ADCY1: variants seen among roughly 807,000 people sequenced by gnomAD.
ADCY1 encodes the protein adenylate cyclase 1, also known as adenylate cyclase type 1.
ADCY1 carries 28 observed loss-of-function variants against 105.4 expected under a neutral mutation model. The ratio of observed to expected loss-of-function variants is 0.27; its 90% confidence interval spans 0.20 to 0.36. ADCY1 has a LOEUF of 0.36. Among genes scored for constraint, ADCY1 ranks in the 10% least tolerant of loss-of-function variants. ADCY1 has a pLI of 1.00. For missense variants in ADCY1, 977 were observed against 1,434.2 expected, an observed-to-expected ratio of 0.68 and a Z score of 5.15; for synonymous variants, 655 against 623.8, an observed-to-expected ratio of 1.05 and a Z score of -0.75.
chr7:45,653,153 C>G (rs979957650), intron 5 of ADCY1, among the ~76,000 whole-genome samples: 1 of 152,210 alleles, frequency 6.6e-6, no homozygotes, highest in African/African-American at 2.4e-5. Flanking sequence ...TGAGAAGTAT[C>G]CTAACTGTCC....
chr7:45,660,296 G>C, intron 7 of ADCY1, 113 bp downstream of exon 7: 1 of 1,438,814 alleles, frequency 7.0e-7, no homozygotes, highest in Non-Finnish European at 9.5e-7. Context: ...TCTGGGCTGT[G>C]AACTTGCTAA....
At chr7:45,629,663 C>A (rs1229533999) in intron 4 of ADCY1, among the ~76,000 whole-genome samples, 4 of 152,070 alleles carry the variant, frequency 2.6e-5, no homozygotes, top group Non-Finnish European at 5.9e-5. Flanking sequence ...GGACTACAGG[C>A]GCCCGCCACT....
At chr7:45,605,313 C>A (rs1793345453) in intron 2 of ADCY1, among the ~76,000 whole-genome samples, 1 of 152,038 alleles carries the variant, frequency 6.6e-6, no homozygotes, top group African/African-American at 2.4e-5. Context: ...AATCTGTATG[C>A]CTTTTCTTTC....
At chr7:45,583,008 G>A (rs1458518910) in intron 1 of ADCY1, among the ~76,000 whole-genome samples, 1 of 152,222 alleles carries the variant, frequency 6.6e-6, no homozygotes, top group African/African-American at 2.4e-5. Flanking sequence ...CCTTCAGTTT[G>A]GGTTGGGAAG....
chr7:45,720,751 C>T lies in ADCY1; in HGVS notation c.*6756C>T, dbSNP rs1237906406. The T allele has an allele frequency of 6.6e-6, 1 of 152,184 alleles. No homozygotes were observed. Among genetic ancestry groups the T allele is most frequent in the Non-Finnish European group, 1.5e-5 (1 of 68,052 alleles). 9.4% of individuals were successfully genotyped at this position (152,184 alleles called of 1,614,324 possible). A position where few individuals can be genotyped will look rare whatever the true frequency, so the allele number is the denominator to read the frequency against. ...CTCTCCCACCTGGTTACCACAGTCTCCATGGGTCTTTTGCCGTGACCACAA... is the reference window on the plus strand; with the variant it reads ...CTCTCCCACCTGGTTACCACAGTCTTCATGGGTCTTTTGCCGTGACCACAA... On this transcript the variant is annotated 3_prime_UTR_variant, in exon 20 of 20. Coordinates refer to ENST00000297323, the MANE Select transcript of ADCY1 (RefSeq NM_021116.4).
chr7:45,643,698 G>A (rs1396333352), intron 4 of ADCY1, among the ~76,000 whole-genome samples: 7 of 152,118 alleles, frequency 4.6e-5, no homozygotes, highest in Non-Finnish European at 7.4e-5. Flanking sequence ...GTAAAAAACC[G>A]AAGTCGAGGT....
intron 14 of ADCY1, among the ~76,000 whole-genome samples, chr7:45,688,675 T>C (rs2116217931): frequency 6.6e-6 from 1 of 152,326 alleles, no homozygotes; most frequent in African/African-American, 2.4e-5. Context: ...TATGTGTATC[T>C]ATATACATGT....
chr7:45,610,411 C>T lies in ADCY1; in HGVS notation c.822C>T (p.Asn274=), dbSNP rs555902826. Residue 274 remains asparagine, a synonymous_variant, in exon 3 of 20, where the codon AAC becomes AAT. Coordinates refer to ENST00000297323, the MANE Select transcript of ADCY1 (RefSeq NM_021116.4). ...TCCTCATGAGCCTCCTGCCCCGGAA[C>T]GTTGCCATGGAGATGAAGGAGGACT... is the stretch of plus-strand genomic sequence containing the variant. The part of the protein sequence containing the change: ...ERLLMSLLPR[N]VAMEMKEDFL... The T allele has an allele frequency of 1.4e-5, 22 of 1,613,936 alleles. No homozygotes were observed. The highest frequency in any genetic ancestry group is 1.2e-4 in the Admixed American group (7 of 60,022).
At chr7:45,700,988 A>T (rs1784985482) in intron 14 of ADCY1, among the ~76,000 whole-genome samples, 1 of 152,258 alleles carries the variant, frequency 6.6e-6, no homozygotes, top group African/African-American at 2.4e-5. Flanking sequence ...CACTAGATGC[A>T]TCCTGGTCAG....
chr7:45,705,457 A>T (rs1436129303), intron 17 of ADCY1, among the ~76,000 whole-genome samples: 1 of 152,214 alleles, frequency 6.6e-6, no homozygotes, highest in African/African-American at 2.4e-5. Flanking sequence ...AATCAACAGG[A>T]TAAAGAAGAA....
chr7:45,694,016 G>GAT (rs1326864296), intron 14 of ADCY1, among the ~76,000 whole-genome samples: 2 of 129,964 alleles, frequency 1.5e-5, no homozygotes, highest in East Asian at 4.6e-4. Flanking sequence ...CCTAATGCTA[G>GAT]ATGACACATT....
intron 2 of ADCY1, among the ~76,000 whole-genome samples, chr7:45,605,739 C>T (rs981416144): frequency 6.6e-5 from 10 of 152,050 alleles, no homozygotes; most frequent in Admixed American, 4.6e-4. Flanking sequence ...AAAGTGCATT[C>T]GTAGTTCTTT....
intron 11 of ADCY1, chr7:45,680,723 A>G (rs1317683564): frequency 1.3e-5 from 2 of 152,240 alleles, no homozygotes; most frequent in East Asian, 1.9e-4. Context: ...TACCACTTCA[A>G]GTAAAACTGC....
chr7:45,683,943 C>G (rs540837265), intron 11 of ADCY1, among the ~76,000 whole-genome samples: 2 of 152,232 alleles, frequency 1.3e-5, no homozygotes, highest in Non-Finnish European at 2.9e-5. Flanking sequence ...CTTAGCACAC[C>G]GAGCTCACGC....
intron 8 of ADCY1, among the ~76,000 whole-genome samples, chr7:45,666,688 C>G (rs1784267101): frequency 6.6e-6 from 1 of 152,194 alleles, no homozygotes; most frequent in African/African-American, 2.4e-5. Flanking sequence ...TTCTAGATCC[C>G]TGAGGAATCG....
chr7:45,622,798 C>T (rs1012329066), intron 4 of ADCY1, 55 bp downstream of exon 4: 13 of 1,406,884 alleles, frequency 9.2e-6, no homozygotes, highest in South Asian at 8.5e-5. Flanking sequence ...TCTGGAGTGA[C>T]GATAAGCCAG....
chr7:45,626,045 C>T (rs1794054231), intron 4 of ADCY1, among the ~76,000 whole-genome samples: 1 of 152,190 alleles, frequency 6.6e-6, no homozygotes, highest in Non-Finnish European at 1.5e-5. Context: ...TCTGGACCTA[C>T]CAGCCCCTAA....
chr7:45,713,122 G>A (rs1319610695), intron 19 of ADCY1, among the ~76,000 whole-genome samples: 2 of 152,116 alleles, frequency 1.3e-5, no homozygotes, highest in Non-Finnish European at 2.9e-5. Flanking sequence ...AGCTGAGGGG[G>A]GTACCTTCTG....
chr7:45,685,937 G>A (rs368232210), intron 12 of ADCY1, 25 bp from the exon 13 acceptor site: 31 of 1,600,024 alleles, frequency 1.9e-5, no homozygotes, highest in African/African-American at 6.7e-5. Flanking sequence ...CCTTTGCTAA[G>A]CCCCTGTGAC....
Sources: gnomAD v4.1 joint callset for allele counts (sites outside exome capture counted in the v4.1 genomes callset) on GRCh38, gnomAD v4.1.1 for gene constraint, MANE v1.5 for transcripts, NCBI Gene and HGNC (gene_info 2026-07-23, HGNC 2026-07-21) for gene names.